The following DHX34 variants were observed in gnomAD, a reference collection of about 807,000 sequenced individuals.
DHX34 encodes DExH-box helicase 34, also known as probable ATP-dependent RNA helicase DHX34.
Under a neutral mutation model 111.1 loss-of-function variants are expected in DHX34, and 96 were observed. That is an observed-to-expected ratio of 0.86 (90% confidence interval 0.73 to 1.02). The LOEUF (loss-of-function observed/expected upper bound fraction) is 1.02. Among genes scored for constraint, DHX34 ranks in the 50% least tolerant of loss-of-function variants. The pLI, the probability that DHX34 is intolerant of heterozygous loss-of-function variation, is 0.00. For synonymous variants in DHX34, 688 were observed against 670.4 expected, an observed-to-expected ratio of 1.03 and a Z score of -0.41; for missense variants, 1,560 against 1,579.9, an observed-to-expected ratio of 0.99 and a Z score of 0.21.
intron 14 of DHX34, 146 bp from the exon 15 acceptor site, chr19:47,380,670 T>C: frequency 1.4e-6 from 2 of 1,469,484 alleles, no homozygotes; most frequent in African/African-American, 2.8e-5. Context: ...GTCATGTGTG[T>C]CTGCAGCCAA....
At chr19:47,375,024 C>A (rs541826298) in intron 9 of DHX34, among the ~76,000 whole-genome samples, 1 of 152,134 alleles carries the variant, frequency 6.6e-6, no homozygotes, top group Admixed American at 6.5e-5. Context: ...AGATGGCCAA[C>A]CCCGCCGAGC....
At position 47,381,142 on chromosome 19, in the gene DHX34, T is replaced by G. The variant is rs777301047; in HGVS notation, c.3160-44T>G. 1.2e-5 allele frequency: 19 copies of G among 1,606,492 alleles called. No homozygotes were observed. The Middle Eastern group carries it at 8.3e-4, about 70-fold the overall frequency. ...CCCGGGGGGGCACTTGGGTGGTGGG[T>G]GGCACTTGGCGGGGGCCCAGCCCTG... On this transcript the variant is annotated intron_variant, in intron 15 of 16. Coordinates refer to ENST00000328771, the MANE Select transcript of DHX34 (RefSeq NM_014681.6).
intron 5 of DHX34, among the ~76,000 whole-genome samples, chr19:47,360,980 T>C (rs1244612278): frequency 6.6e-6 from 1 of 151,988 alleles, no homozygotes; most frequent in Non-Finnish European, 1.5e-5. Flanking sequence ...CGACATTCTA[T>C]TTTATGTGCT....
chr19:47,374,064 C>T (rs1407930385), intron 9 of DHX34, among the ~76,000 whole-genome samples: 1 of 152,184 alleles, frequency 6.6e-6, no homozygotes, highest in African/African-American at 2.4e-5. Context: ...CCAGCTCTGC[C>T]ATTTCTGACA....
In DHX34 at chr19:47,379,833, C is replaced by T. The variant is rs1568408646; in HGVS notation, c.2830C>T (p.Leu944=). 6.2e-7 allele frequency: 1 copy of T among 1,613,810 alleles called. No individual in the cohort carries two copies. Among genetic ancestry groups the T allele is most frequent in the South Asian group, 1.1e-5 (1 of 91,084 alleles). Residue 944 remains leucine (L), a synonymous_variant, in exon 14 of 17, where the codon CTG becomes TTG. Coordinates refer to ENST00000328771, the MANE Select transcript of DHX34 (RefSeq NM_014681.6). ...TGCCATCCGACTCCTGGCGGCTTCCCTGCGGCTCCGTGCCCGCTGGGAAAG... is the reference window on the plus strand; with the variant it reads ...TGCCATCCGACTCCTGGCGGCTTCCTTGCGGCTCCGTGCCCGCTGGGAAAG... ...ESAIRLLAAS[L]RLRARWESAL...
At chr19:47,356,948 ATG>A (rs1377553322) in intron 3 of DHX34, among the ~76,000 whole-genome samples, 14 of 152,126 alleles carry the variant, frequency 9.2e-5, no homozygotes, top group Admixed American at 2.6e-4. Context: ...CTCAAAAAGA[ATG>A]AGGCTGCTTC....
In DHX34 at chr19:47,380,000, G is replaced by C; in HGVS notation, c.2982+15G>C. 6.4e-7 allele frequency: 1 copy of C among 1,564,456 alleles called. No individual in the cohort carries two copies. Among genetic ancestry groups the C allele is most frequent in the Non-Finnish European group, 8.7e-7 (1 of 1,147,206 alleles). On this transcript the variant is annotated intron_variant, in intron 14 of 16. Transcript: ENST00000328771. The stretch of plus-strand genomic sequence containing the variant: ...CGGCATCCAAGGTACCCTCCACCAG[G>C]GTGCCCGTGCCTCCCTATGGCCAGA...
At chr19:47,370,601 A>G (rs1232468297) in intron 7 of DHX34, among the ~76,000 whole-genome samples, 1 of 152,252 alleles carries the variant, frequency 6.6e-6, no homozygotes, top group East Asian at 1.9e-4. Context: ...GCAGGGCTTC[A>G]GTGTGGGCAG....
intron 13 of DHX34, among the ~76,000 whole-genome samples, chr19:47,378,032 C>T (rs1037394520): frequency 1.3e-5 from 2 of 152,106 alleles, no homozygotes; most frequent in Non-Finnish European, 2.9e-5. Context: ...GGCGGGGATA[C>T]GTCACCTAAG....
chr19:47,372,674 G>A, intron 7 of DHX34, 56 bp from the exon 8 acceptor site: 1 of 1,495,650 alleles, frequency 6.7e-7, no homozygotes, highest in Non-Finnish European at 8.9e-7. Flanking sequence ...CCCGAGGGGT[G>A]AGGGCTGCGC....
chr19:47,373,787 C>G (rs991060106), intron 9 of DHX34, 87 bp downstream of exon 9: 1 of 1,496,882 alleles, frequency 6.7e-7, no homozygotes. Context: ...CCTTCCCAGA[C>G]AGTGGTCAGA....
chr19:47,358,165 G>A (rs776702217), intron 4 of DHX34, 45 bp downstream of exon 4: 1 of 1,580,668 alleles, frequency 6.3e-7, no homozygotes. Context: ...GTCTGCATGA[G>A]TCAGGGGTGG....
chr19:47,352,787 G>C lies in DHX34; in HGVS notation c.-244G>C. 1.7e-6 allele frequency: 1 copy of C among 605,582 alleles called. No individual in the cohort carries two copies. The highest frequency in any genetic ancestry group is 2.6e-6 in the Non-Finnish European group (1 of 377,842). The allele number at this position is 605,582 out of a possible 1,614,324, so 37.5% of individuals were successfully genotyped here. ...GCCTGAAAACCCAGAATGAACTTGT[G>C]TCCATCCCAGAGATCACTGCAGATG... On this transcript the variant is annotated 5_prime_UTR_variant, in exon 2 of 17. Transcript: ENST00000328771.
chr19:47,371,635 G>A (rs1969968655), intron 7 of DHX34, among the ~76,000 whole-genome samples: 1 of 152,184 alleles, frequency 6.6e-6, no homozygotes, highest in Non-Finnish European at 1.5e-5. Context: ...GTCTTGCTCT[G>A]TTCACTCAGG....
In DHX34 at chr19:47,379,900, TGGAGGA is replaced by T. The variant is rs533574046; in HGVS notation, c.2910_2915del (p.Glu970_Glu971del). 5,651 of 1,612,138 alleles carry T rather than the reference TGGAGGA, an allele frequency of 3.5e-3. 136 individuals are homozygous for T. The Admixed American group carries it at 0.054, about 16-fold the overall frequency. On this transcript the variant is annotated inframe_deletion, in exon 14 of 17. Coordinates refer to ENST00000328771, the MANE Select transcript of DHX34 (RefSeq NM_014681.6). ...CTGGCGCACCAGGCCCAGCAGCAGC[TGGAGGA>T]GGAGGAGGAGGATACGCCAGTCAGC...
intron 3 of DHX34, among the ~76,000 whole-genome samples, chr19:47,356,588 C>T (rs541741956): frequency 6.7e-6 from 1 of 149,604 alleles, no homozygotes; most frequent in Non-Finnish European, 1.5e-5. Context: ...AAGATGGCTC[C>T]ACTGCACTCC....
At chr19:47,380,615 T>C in intron 14 of DHX34, 1 of 984,844 alleles carries the variant, frequency 1.0e-6, no homozygotes, top group Non-Finnish European at 1.2e-6. Flanking sequence ...GGGAGGGCAA[T>C]TTAGATGGGG....
rs752572883 is a variant in DHX34 at position 47,353,328 on chromosome 19, T to TA, written c.299dup (p.Tyr100Ter). Residue 100 changes from tyrosine to a stop codon, truncating the protein, a stop_gained and frameshift_variant, in exon 2 of 17, where the codon TAC becomes TAAC. Transcript: ENST00000328771. LOFTEE classifies it high-confidence loss of function. The surrounding 1 kb of genome is among the most constrained non-coding windows in gnomAD (Gnocchi z 4.6). Reference protein sequence around the residue: ...IPALADLPRTYDPRYRINLSV... With the variant: ...IPALADLPRT ...AGCGCTGGCCGACCTACCTCGCACT[T>TA]ACGACCCACGTTACCGCATCAACCT... 6.2e-6 allele frequency: 10 copies of TA among 1,613,996 alleles called. No individual in the cohort carries two copies. The highest frequency in any genetic ancestry group is 5.3e-5 in the African/African-American group (4 of 74,906).
chr19:47,366,165 C>T (rs926157673), intron 6 of DHX34, among the ~76,000 whole-genome samples: 5 of 152,204 alleles, frequency 3.3e-5, no homozygotes, highest in Non-Finnish European at 5.9e-5. Context: ...GCTCAGGTCA[C>T]GTGCCTCTCC....
Sources: allele counts gnomAD v4.1 joint callset (sites outside exome capture counted in the v4.1 genomes callset), GRCh38; gene constraint gnomAD v4.1.1; non-coding constraint Gnocchi (gnomAD v3.1); transcripts MANE v1.5; gene names NCBI Gene and HGNC (gene_info 2026-07-23, HGNC 2026-07-21).